Variants in JAK1 observed in about 807,000 individuals in gnomAD.
JAK1 encodes the protein tyrosine-protein kinase JAK1.
In JAK1, 16 loss-of-function variants were observed where a neutral mutation model predicts 136.6. The observed-to-expected ratio is 0.12, with a 90% confidence interval of 0.08 to 0.18. The LOEUF (loss-of-function observed/expected upper bound fraction) is 0.18, where lower values mean the gene tolerates loss of function less well. JAK1 is among the 10% of genes least tolerant of loss of function. The pLI is 1.00. For missense variants in JAK1, 859 were observed against 1,450.1 expected (o/e 0.59, Z 6.62); for synonymous variants, 492 against 519.5 (o/e 0.95, Z 0.72).
chr1:64,908,315 A>G (rs968300692), intron 1 of JAK1, among the ~76,000 whole-genome samples: 2 of 152,138 alleles, frequency 1.3e-5, no homozygotes, highest in Non-Finnish European at 2.9e-5. Context: ...AAAATGATGC[A>G]TCTATTCAGC....
chr1:64,951,614 T>C (rs1012781084), intron 1 of JAK1, among the ~76,000 whole-genome samples: 1 of 143,458 alleles, frequency 7.0e-6, no homozygotes, highest in Non-Finnish European at 1.5e-5. Context: ...CTCAAATAAA[T>C]ACACCAGCAG....
intron 2 of JAK1, among the ~76,000 whole-genome samples, chr1:65,043,765 C>T (rs909087189): frequency 1.2e-4 from 18 of 149,790 alleles, no homozygotes; most frequent in African/African-American, 4.4e-4. Context: ...CTCTGTTGCC[C>T]AGGCTGGAGT....
chr1:64,926,537 T>C (rs1184750161), intron 1 of JAK1, among the ~76,000 whole-genome samples: 1 of 152,104 alleles, frequency 6.6e-6, no homozygotes, highest in African/African-American at 2.4e-5. Flanking sequence ...TACTTCCTAA[T>C]GCACCCCTGT....
intron 2 of JAK1, among the ~76,000 whole-genome samples, chr1:64,996,609 G>T (rs1422381095): frequency 2.6e-5 from 4 of 152,166 alleles, no homozygotes; most frequent in Admixed American, 2.0e-4. Context: ...GTTGATTGGT[G>T]GGTTAATTGC....
chr1:64,917,228 G>T (rs1051799064), intron 1 of JAK1, among the ~76,000 whole-genome samples: 2 of 152,044 alleles, frequency 1.3e-5, no homozygotes, highest in African/African-American at 4.8e-5. Context: ...GAAAGAGACA[G>T]GCACCCAATG....
intron 2 of JAK1, among the ~76,000 whole-genome samples, chr1:65,026,912 A>G (rs557153192): frequency 6.6e-6 from 1 of 152,130 alleles, no homozygotes; most frequent in Admixed American, 6.5e-5. Context: ...AGATTGCGCC[A>G]CTGCACTCTA....
intron 1 of JAK1, among the ~76,000 whole-genome samples, chr1:64,931,184 A>G (rs1270875548): frequency 1.3e-5 from 2 of 152,130 alleles, no homozygotes; most frequent in Non-Finnish European, 1.5e-5. Context: ...GAGATTCCAC[A>G]TCGGACTTGA....
At chr1:64,930,194 C>T (rs922214095) in intron 1 of JAK1, among the ~76,000 whole-genome samples, 2 of 152,186 alleles carry the variant, frequency 1.3e-5, no homozygotes, top group African/African-American at 4.8e-5. Context: ...GCAAAAGAAA[C>T]TATCATCAGA....
At chr1:64,951,649 CTTTTTTTTTTTTTTTT>C (rs71056071) in intron 1 of JAK1, among the ~76,000 whole-genome samples, 1 of 76,960 alleles carries the variant, frequency 1.3e-5, no homozygotes, top group South Asian at 7.0e-4. Context: ...CAAGTTCTGC[CTTTTTTTTTTTTTTTT>C]TTTTTTTTTT....
chr1:64,933,152 G>A (rs1557703576), intron 1 of JAK1, among the ~76,000 whole-genome samples: 2 of 152,160 alleles, frequency 1.3e-5, no homozygotes, highest in African/African-American at 4.8e-5. Flanking sequence ...CATAAGGTGG[G>A]TACCACTGTT....
intron 2 of JAK1, chr1:64,986,093 T>C (rs1325583576): frequency 2.1e-6 from 2 of 935,852 alleles, no homozygotes; most frequent in Non-Finnish European, 3.3e-6. Context: ...ATGTCCCCCA[T>C]GGCCTCAATC....
intron 2 of JAK1, among the ~76,000 whole-genome samples, chr1:64,996,319 T>A (rs1257083338): frequency 6.6e-6 from 1 of 152,210 alleles, no homozygotes; most frequent in Non-Finnish European, 1.5e-5. Flanking sequence ...CTAGTTGCTC[T>A]TCTTTAAATC....
At chr1:65,024,938 T>C (rs1323721078) in intron 2 of JAK1, among the ~76,000 whole-genome samples, 5 of 152,064 alleles carry the variant, frequency 3.3e-5, no homozygotes, top group Non-Finnish European at 7.4e-5. Flanking sequence ...GATCGTGCCA[T>C]TGCACTCTAG....
intron 1 of JAK1, among the ~76,000 whole-genome samples, chr1:64,903,267 TC>T (rs1450380289): frequency 2.6e-5 from 4 of 152,172 alleles, no homozygotes; most frequent in African/African-American, 9.7e-5. Flanking sequence ...CCTCAGGTGA[TC>T]CACCGGCCTC....
chr1:64,847,259 A>G (rs1655293360), intron 13 of JAK1, among the ~76,000 whole-genome samples: 1 of 152,168 alleles, frequency 6.6e-6, no homozygotes, highest in Non-Finnish European at 1.5e-5. Context: ...CTAGGGCTCC[A>G]CAGCACAGCC....
chr1:64,868,010 AAGAGAGAG>A (rs139348914), intron 6 of JAK1, among the ~76,000 whole-genome samples: 4 of 146,850 alleles, frequency 2.7e-5, no homozygotes, highest in Non-Finnish European at 6.1e-5. Context: ...CCCCACAAAA[AAGAGAGAG>A]AGAGAGAGAG....
At chr1:65,052,599 G>A (rs1282424816) in intron 1 of JAK1, among the ~76,000 whole-genome samples, 1 of 151,998 alleles carries the variant, frequency 6.6e-6, no homozygotes, top group Non-Finnish European at 1.5e-5. Flanking sequence ...GGATCACGAG[G>A]TCAGGAGATC....
intron 1 of JAK1, among the ~76,000 whole-genome samples, chr1:65,047,635 C>G (rs955080973): frequency 4.0e-5 from 6 of 151,832 alleles, no homozygotes; most frequent in Admixed American, 2.6e-4. Flanking sequence ...AGGAGAATGG[C>G]GTGAACCTGG....
chr1:64,958,290 C>G (rs138738824), intron 1 of JAK1, among the ~76,000 whole-genome samples: 2 of 152,180 alleles, frequency 1.3e-5, no homozygotes, highest in East Asian at 3.9e-4. Context: ...CTACTTCCAA[C>G]CAACCCAAGT....
Sources: allele counts gnomAD v4.1 joint callset (sites outside exome capture counted in the v4.1 genomes callset), GRCh38; gene constraint gnomAD v4.1.1; transcripts MANE v1.5; gene names NCBI Gene and HGNC (gene_info 2026-07-23, HGNC 2026-07-21).